The following NHEJ1 variants were observed in gnomAD, a reference collection of about 807,000 sequenced individuals.
The protein encoded by NHEJ1 is non-homologous end joining factor 1.
In NHEJ1, 22 loss-of-function variants were observed where a neutral mutation model predicts 39.4. That is an observed-to-expected ratio of 0.56 (90% CI 0.40 to 0.80). The LOEUF is 0.80. NHEJ1 is among the 30% of genes least tolerant of loss of function. The pLI, the probability that NHEJ1 is intolerant of heterozygous loss-of-function variation, is 0.00. For synonymous variants in NHEJ1, 154 were observed against 135.6 expected (o/e 1.14, Z -0.94); for missense variants, 329 against 357.1 (o/e 0.92, Z 0.63).
At chr2:219,086,375 A>G (rs1949111994) in intron 5 of NHEJ1, among the ~76,000 whole-genome samples, 1 of 152,084 alleles carries the variant, frequency 6.6e-6, no homozygotes, top group Non-Finnish European at 1.5e-5. Context: ...TCTACACTAT[A>G]ATGCCTCTTA....
In NHEJ1 at chr2:219,078,115, T is replaced by C. The variant is rs1182843045; in HGVS notation, c.680A>G (p.Gln227Arg). 1 of 1,614,178 alleles carries C rather than the reference T, an allele frequency of 6.2e-7. No homozygotes were observed. The highest frequency in any genetic ancestry group is 2.2e-5 in the East Asian group (1 of 44,888). The change falls in exon 6 of 8, where the codon CAA becomes CGA. Residue 227 changes from glutamine (Q) to arginine (R), a missense_variant. Physicochemically the swap from Gln to Arg is conservative, Grantham distance 43. Coordinates refer to ENST00000356853, the MANE Select transcript of NHEJ1 (RefSeq NM_024782.3). ...LYMAVTTQEV[Q>R]VGQKHQGAGD... is the part of the protein sequence containing the mutation. ...AGCGCCTTGATGCTTCTGTCCCACT[T>C]GGACCTCTTGTGTGGTGACTGCCAT... is the stretch of plus-strand genomic sequence containing the variant.
intron 5 of NHEJ1, among the ~76,000 whole-genome samples, chr2:219,080,291 CT>C (rs1475580454): frequency 1.3e-5 from 2 of 152,034 alleles, no homozygotes; most frequent in African/African-American, 4.8e-5. Context: ...AATCCCAGCA[CT>C]TTGGGAGGCC....
At chr2:219,124,426 G>A (rs553521996) in intron 5 of NHEJ1, among the ~76,000 whole-genome samples, 16 of 151,728 alleles carry the variant, frequency 1.1e-4, no homozygotes, top group African/African-American at 3.4e-4. Context: ...TTACTGCACT[G>A]GCCCCTTCTG....
At position 219,157,655 on chromosome 2, in the gene NHEJ1, A is replaced by G; in HGVS notation, c.207T>C (p.Pro69=). 6.2e-7 allele frequency: 1 copy of G among 1,614,050 alleles called. No individual in the cohort carries two copies. The highest frequency in any genetic ancestry group is 8.5e-7 in the Non-Finnish European group (1 of 1,179,966). Residue 69 remains proline (P), a synonymous_variant, in exon 3 of 8, where the codon CCT becomes CCC. Transcript: ENST00000356853. The part of the protein sequence containing the change: ...KELNKRLTAP[P]AAFLCHLDNL... ...TATCCAAATGACAGAGGAAAGCTGCAGGAGGAGCAGTGAGCCGCTTGTTCA... is the reference window on the plus strand; with the variant it reads ...TATCCAAATGACAGAGGAAAGCTGCGGGAGGAGCAGTGAGCCGCTTGTTCA...
At chr2:219,123,161 G>A (rs531803291) in intron 5 of NHEJ1, among the ~76,000 whole-genome samples, 1 of 152,258 alleles carries the variant, frequency 6.6e-6, no homozygotes, top group South Asian at 2.1e-4. Context: ...TACAGTAGAG[G>A]GGTAGGAAAG....
chr2:219,090,213 A>G (rs1160734454), intron 5 of NHEJ1, among the ~76,000 whole-genome samples: 1 of 152,210 alleles, frequency 6.6e-6, no homozygotes, highest in African/African-American at 2.4e-5. Flanking sequence ...GGCAACTGGG[A>G]AAATCACTTT....
chr2:219,118,718 C>T (rs1259719980), intron 5 of NHEJ1, among the ~76,000 whole-genome samples: 3 of 152,172 alleles, frequency 2.0e-5, no homozygotes, highest in Non-Finnish European at 4.4e-5. Context: ...CGGACAGCTC[C>T]GCCCAGCCCT....
intron 5 of NHEJ1, among the ~76,000 whole-genome samples, chr2:219,117,668 G>A (rs938525312): frequency 6.6e-6 from 1 of 152,254 alleles, no homozygotes; most frequent in Non-Finnish European, 1.5e-5. Context: ...GGCTCCAAAG[G>A]GAAGTGACAT....
chr2:219,110,079 T>C (rs1361047443), intron 5 of NHEJ1, among the ~76,000 whole-genome samples: 3 of 152,172 alleles, frequency 2.0e-5, no homozygotes, highest in Non-Finnish European at 4.4e-5. Flanking sequence ...CTTCCTTCCA[T>C]GTATTCAACA....
Position 219,157,541 on chromosome 2 carries a change from C to T in NHEJ1, c.321G>A (p.Arg107=), listed in dbSNP as rs746549857. The T allele has an allele frequency of 6.2e-7, 1 of 1,614,144 alleles. No individual in the cohort carries two copies. Among genetic ancestry groups the T allele is most frequent in the South Asian group, 1.1e-5 (1 of 91,080 alleles). ...CDCVADALIL[R]VRSELSGLPF... ...GGAGGCCAGAGAGCTCACTTCGCACCCGTAGAATCAGTGCATCTGCCACAC... is the reference window on the plus strand; with the variant it reads ...GGAGGCCAGAGAGCTCACTTCGCACTCGTAGAATCAGTGCATCTGCCACAC... The change falls in exon 3 of 8, where the codon CGG becomes CGA. Residue 107 remains arginine (R), a synonymous_variant. Transcript: ENST00000356853.
chr2:219,139,826 C>T (rs1949673056), intron 5 of NHEJ1, among the ~76,000 whole-genome samples: 1 of 152,190 alleles, frequency 6.6e-6, no homozygotes, highest in Non-Finnish European at 1.5e-5. Context: ...ACTACAGGCG[C>T]CTGCCACCAC....
intron 5 of NHEJ1, among the ~76,000 whole-genome samples, chr2:219,121,027 T>C (rs1949466318): frequency 6.6e-6 from 1 of 152,084 alleles, no homozygotes; most frequent in African/African-American, 2.4e-5. Flanking sequence ...TGAAACCCCA[T>C]GTCTACTAAA....
chr2:219,148,492 A>G (rs1038820216), intron 3 of NHEJ1, among the ~76,000 whole-genome samples: 3 of 152,086 alleles, frequency 2.0e-5, no homozygotes, highest in African/African-American at 7.2e-5. Flanking sequence ...CAAGGAGGTC[A>G]AGGCTTCAGT....
At chr2:219,150,257 T>C (rs1949782411) in intron 3 of NHEJ1, among the ~76,000 whole-genome samples, 2 of 152,182 alleles carry the variant, frequency 1.3e-5, no homozygotes, top group East Asian at 3.8e-4. Context: ...AGGAAGTTAG[T>C]GGCGGCAGCT....
At chr2:219,083,023 T>G (rs1949080170) in intron 5 of NHEJ1, among the ~76,000 whole-genome samples, 2 of 152,242 alleles carry the variant, frequency 1.3e-5, no homozygotes, top group African/African-American at 4.8e-5. Context: ...GGAAGAAGAC[T>G]CTAATGAGAA....
chr2:219,109,053 T>A (rs1222845729), intron 5 of NHEJ1, among the ~76,000 whole-genome samples: 2 of 152,246 alleles, frequency 1.3e-5, no homozygotes, highest in African/African-American at 4.8e-5. Context: ...AGACTTAGAA[T>A]AAGAGTGAGA....
rs894114121 is a variant in NHEJ1, at chr2:219,073,173, C to G, written c.*3208G>C. Among the ~76,000 whole-genome samples, 1 of 152,176 alleles carries G rather than the reference C, an allele frequency of 6.6e-6. No individual in the cohort carries two copies. The highest frequency in any genetic ancestry group is 2.4e-5 in the African/African-American group (1 of 41,432). The stretch of plus-strand genomic sequence containing the variant: ...CAGGCCTGTGGAAGGATTTTGGTCT[C>G]AACAGGCTAGACTCTTTCCAGTTCA... On this transcript the variant is annotated 3_prime_UTR_variant, in exon 8 of 8. Coordinates refer to ENST00000356853, the MANE Select transcript of NHEJ1 (RefSeq NM_024782.3).
intron 5 of NHEJ1, among the ~76,000 whole-genome samples, chr2:219,115,878 T>C (rs1472530868): frequency 6.6e-6 from 1 of 152,138 alleles, no homozygotes; most frequent in African/African-American, 2.4e-5. Flanking sequence ...TCCCAGCACT[T>C]TGGGAGGCCG....
chr2:219,102,153 T>C (rs765258446), intron 5 of NHEJ1, among the ~76,000 whole-genome samples: 71 of 152,342 alleles, frequency 4.7e-4, no homozygotes, highest in South Asian at 1.2e-3. Context: ...CTGGTGTTTT[T>C]GCATGTTTAA....
Sources: gnomAD v4.1 joint callset for allele counts (sites outside exome capture counted in the v4.1 genomes callset) on GRCh38, gnomAD v4.1.1 for gene constraint, MANE v1.5 for transcripts, NCBI Gene and HGNC (gene_info 2026-07-23, HGNC 2026-07-21) for gene names.